Variants in KLF12 observed in about 807,000 individuals in gnomAD.
KLF12 encodes the protein Krueppel-like factor 12.
A neutral mutation model predicts 37.8 loss-of-function variants in KLF12; 9 were observed. The ratio of observed to expected loss-of-function variants is 0.24; its 90% confidence interval spans 0.14 to 0.42. KLF12 has a LOEUF of 0.42. KLF12 is among the 10% of genes least tolerant of loss of function. The pLI is 1.00. For synonymous variants in KLF12, 208 were observed against 202.1 expected (o/e 1.03, Z -0.25); for missense variants, 411 against 516.0 (o/e 0.80, Z 1.97).
chr13:74,078,882 G>A (rs1874718591), intron 1 of KLF12, among the ~76,000 whole-genome samples: 1 of 152,110 alleles, frequency 6.6e-6, no homozygotes, highest in Admixed American at 6.5e-5. Flanking sequence ...AGTTCCTAGA[G>A]ATTGTAAAAT....
intron 5 of KLF12, among the ~76,000 whole-genome samples, chr13:73,772,516 G>A (rs1185320204): frequency 6.6e-6 from 1 of 152,232 alleles, no homozygotes; most frequent in Non-Finnish European, 1.5e-5. Context: ...TTTCTCAGAT[G>A]TGGAAAAGGA....
At chr13:74,015,167 C>T (rs1043709282) in intron 1 of KLF12, among the ~76,000 whole-genome samples, 3 of 152,054 alleles carry the variant, frequency 2.0e-5, no homozygotes, top group Admixed American at 2.0e-4. Flanking sequence ...TTTCTAGTAT[C>T]CTGCAACTCT....
intron 1 of KLF12, among the ~76,000 whole-genome samples, chr13:74,071,238 T>C (rs1468889986): frequency 6.6e-6 from 1 of 152,174 alleles, no homozygotes; most frequent in Non-Finnish European, 1.5e-5. Context: ...CATTTGTCCA[T>C]CTCATCCTGG....
At chr13:73,832,487 T>C (rs1021821232) in intron 4 of KLF12, among the ~76,000 whole-genome samples, 4 of 152,196 alleles carry the variant, frequency 2.6e-5, no homozygotes, top group African/African-American at 9.6e-5. Context: ...CGGAGATGAT[T>C]AGGGGGAGCC....
rs527833688 is a variant in KLF12 at position 74,097,065 on chromosome 13, A to T, written c.-32+36674T>A. Reference sequence around the variant, plus strand: ...GTTTCCAAGTCTTAATAAGGAGAAAAGACCTAGCTCACGTTGCAGTATATG... The same window carrying T: ...GTTTCCAAGTCTTAATAAGGAGAAATGACCTAGCTCACGTTGCAGTATATG... On this transcript the variant is annotated intron_variant, in intron 1 of 7. Transcript: ENST00000377669. 6.8e-4 allele frequency among the ~76,000 whole-genome samples: 104 copies of T among 152,336 alleles called. 1 individual carries two copies. Among genetic ancestry groups the T allele is most frequent in the African/African-American group, 2.5e-3 (102 of 41,588 alleles).
intron 1 of KLF12, among the ~76,000 whole-genome samples, chr13:74,076,328 G>A (rs1227038463): frequency 6.6e-6 from 1 of 152,172 alleles, no homozygotes; most frequent in Non-Finnish European, 1.5e-5. Context: ...AATTTATAAA[G>A]TAGAGAAATT....
intron 5 of KLF12, among the ~76,000 whole-genome samples, chr13:73,811,227 GC>G (rs980915103): frequency 9.9e-5 from 15 of 151,700 alleles, no homozygotes; most frequent in Admixed American, 9.2e-4. Context: ...ATCATGATCA[GC>G]CCACCTTGGT....
chr13:73,937,479 T>C (rs555965578), intron 3 of KLF12, among the ~76,000 whole-genome samples: 2 of 152,184 alleles, frequency 1.3e-5, no homozygotes, highest in Non-Finnish European at 2.9e-5. Context: ...ACTGACCCTA[T>C]AAAAATGCAA....
At chr13:74,106,837 C>A (rs947249682) in intron 1 of KLF12, among the ~76,000 whole-genome samples, 1 of 151,982 alleles carries the variant, frequency 6.6e-6, no homozygotes, top group African/African-American at 2.4e-5. Flanking sequence ...CTTTCTTATG[C>A]TTCCTCTATA....
chr13:74,008,067 T>C lies in KLF12; in HGVS notation c.-31-13014A>G, dbSNP rs185950893. Among the ~76,000 whole-genome samples, 57 of 152,320 alleles carry C rather than the reference T, an allele frequency of 3.7e-4. No homozygotes were observed. The East Asian group carries it at 8.3e-3, about 22-fold the overall frequency. On this transcript the variant is annotated intron_variant, in intron 1 of 7. Coordinates refer to ENST00000377669, the MANE Select transcript of KLF12 (RefSeq NM_007249.5). ...TACAAGGGGCTGACTTTGGGGATGG[T>C]AATGTTTTAATATTTTATCTGGGTG...
At chr13:74,202,588 A>G in the KLF12 span, among the ~76,000 whole-genome samples, 1 of 152,168 alleles carries the variant, frequency 6.6e-6, no homozygotes, top group African/African-American at 2.4e-5. Context: ...TCTATGCTTC[A>G]GCACCTCCAA....
At chr13:73,924,895 C>T (rs1889301963) in intron 3 of KLF12, among the ~76,000 whole-genome samples, 1 of 152,156 alleles carries the variant, frequency 6.6e-6, no homozygotes, top group Admixed American at 6.5e-5. Flanking sequence ...GTGGTCTCGA[C>T]AGGTGATCAA....
At chr13:73,920,185 T>C (rs1408345730) in intron 3 of KLF12, among the ~76,000 whole-genome samples, 2 of 152,212 alleles carry the variant, frequency 1.3e-5, no homozygotes, top group Non-Finnish European at 1.5e-5. Context: ...ATAAACATAC[T>C]TCATGTATAA....
At chr13:74,154,711 C>T in the KLF12 span, among the ~76,000 whole-genome samples, 1 of 152,272 alleles carries the variant, frequency 6.6e-6, no homozygotes, top group East Asian at 1.9e-4. Flanking sequence ...GTGACGGTCC[C>T]ATCACTGGGC....
chr13:74,302,789 G>A, the KLF12 span, among the ~76,000 whole-genome samples: 1 of 152,002 alleles, frequency 6.6e-6, no homozygotes, highest in South Asian at 2.1e-4. Context: ...TGATTCACAG[G>A]GACACCTTCT....
the KLF12 span, among the ~76,000 whole-genome samples, chr13:74,168,490 T>C: frequency 4.6e-5 from 7 of 152,330 alleles, no homozygotes; most frequent in Non-Finnish European, 1.0e-4. Context: ...CAACAACTTG[T>C]GAAATAGTCC....
At chr13:73,893,558 T>A (rs1887616791) in intron 3 of KLF12, among the ~76,000 whole-genome samples, 1 of 151,774 alleles carries the variant, frequency 6.6e-6, no homozygotes, top group Admixed American at 6.6e-5. Flanking sequence ...ATTTTTGTAT[T>A]TTTGGTAGAG....
intron 2 of KLF12, among the ~76,000 whole-genome samples, chr13:73,994,474 A>C (rs9565066): frequency 0.055 from 7,794 of 141,616 alleles, 237 homozygotes; most frequent in East Asian, 0.11. Flanking sequence ...CGCCCCCCCC[A>C]CCACCACACT....
the KLF12 span, among the ~76,000 whole-genome samples, chr13:74,244,370 C>T: frequency 2.6e-5 from 4 of 152,164 alleles, no homozygotes; most frequent in African/African-American, 7.2e-5. Flanking sequence ...GCATGAAGAA[C>T]ATGAGCTGGC....
Sources: allele counts gnomAD v4.1 joint callset (sites outside exome capture counted in the v4.1 genomes callset), GRCh38; gene constraint gnomAD v4.1.1; transcripts MANE v1.5; gene names NCBI Gene and HGNC (gene_info 2026-07-23, HGNC 2026-07-21).